The following GRK1 variants were observed in gnomAD, a reference collection of about 807,000 sequenced individuals.
The protein encoded by GRK1 is rhodopsin kinase GRK1.
A neutral mutation model predicts 41.7 loss-of-function variants in GRK1; 28 were observed. That is an observed-to-expected ratio of 0.67 (90% confidence interval 0.50 to 0.92). The LOEUF is 0.92. Ranked by LOEUF, GRK1 falls within the 40% of genes least tolerant of loss-of-function variation. The pLI is 0.00. For missense variants in GRK1, 703 were observed against 671.2 expected, an observed-to-expected ratio of 1.05 and a Z score of -0.52; for synonymous variants, 327 against 286.7, an observed-to-expected ratio of 1.14 and a Z score of -1.42.
chr13:113,652,757 C>T, the GRK1 span: 1 of 1,224,752 alleles, frequency 8.2e-7, no homozygotes, highest in Non-Finnish European at 1.2e-6. Context: ...GGCTGGAGTC[C>T]CTGTCCCGCT....
In GRK1 at chr13:113,669,748, C is replaced by A; in HGVS notation, c.761C>A (p.Ala254Asp). 1.9e-6 allele frequency: 3 copies of A among 1,613,968 alleles called. No individual in the cohort carries two copies. Among genetic ancestry groups the A allele is most frequent in the East Asian group, 2.2e-5 (1 of 44,882 alleles). The stretch of plus-strand genomic sequence containing the variant: ...CACAGCAGGTTCATCGTGTCTCTGG[C>A]CTATGCGTTTGAAACCAAAGCCGAC... ...KVHSRFIVSLAYAFETKADLC... is the reference protein window; with the variant it reads ...KVHSRFIVSLDYAFETKADLC... Residue 254 changes from alanine to aspartate, a missense_variant, in exon 2 of 7, where the codon GCC becomes GAC. Transcript: ENST00000335678.
rs1374450618 is a variant in GRK1 at position 113,671,270 on chromosome 13, T to C, written c.828-229T>C. On this transcript the variant is annotated intron_variant, in intron 2 of 6. Coordinates refer to ENST00000335678, the MANE Select transcript of GRK1 (RefSeq NM_002929.3). This position sits in a 1 kb window ranked among gnomAD's most constrained non-coding sequence, Gnocchi z 4.1. Reference sequence around the variant, plus strand: ...AAAGCAGGCGGACAGGAGACGCACGTGGACAGCACTTTCTCCCTGTTAGCA... The same window carrying C: ...AAAGCAGGCGGACAGGAGACGCACGCGGACAGCACTTTCTCCCTGTTAGCA... 6.6e-6 allele frequency among the ~76,000 whole-genome samples: 1 copy of C among 152,164 alleles called. No homozygotes were observed. The highest frequency in any genetic ancestry group is 1.5e-5 in the Non-Finnish European group (1 of 68,028).
chr13:113,666,970 C>A (rs150907107), upstream of GRK1, among the ~76,000 whole-genome samples: 1,466 of 152,284 alleles, frequency 9.6e-3, 22 homozygotes, highest in Admixed American at 0.039. Context: ...GATGGAGCAG[C>A]TCAGAACAGA....
intron 4 of GRK1, among the ~76,000 whole-genome samples, chr13:113,730,998 TG>T (rs1365143750): frequency 6.6e-6 from 1 of 152,188 alleles, no homozygotes; most frequent in African/African-American, 2.4e-5. Flanking sequence ...TGTCACAGCC[TG>T]GGGGTGCTGC....
In GRK1 at chr13:113,671,910, C is replaced by G. The variant is rs1184596269; in HGVS notation, c.985+254C>G. The stretch of plus-strand genomic sequence containing the variant: ...CGCCCAGTCCCCACCTTCCTTCTGC[C>G]TGAATGAGGCGTCACACAGGGATTC... On this transcript the variant is annotated intron_variant, in intron 3 of 6. Transcript: ENST00000335678. This position sits in a 1 kb window ranked among gnomAD's most constrained non-coding sequence, Gnocchi z 4.1. Among the ~76,000 whole-genome samples, 2 of 152,216 alleles carry G rather than the reference C, an allele frequency of 1.3e-5. No individual in the cohort carries two copies. Among genetic ancestry groups the G allele is most frequent in the East Asian group, 3.9e-4 (2 of 5,170 alleles).
the GRK1 span, among the ~76,000 whole-genome samples, chr13:113,659,060 G>A: frequency 1.2e-4 from 19 of 152,318 alleles, 1 homozygote; most frequent in Admixed American, 9.8e-4. Context: ...TCACAGGGCC[G>A]GGGCAGGGAC....
chr13:113,649,615 A>T, the GRK1 span: 1 of 1,420,202 alleles, frequency 7.0e-7, no homozygotes, highest in Non-Finnish European at 9.3e-7. This position sits in a 1 kb window ranked among gnomAD's most constrained non-coding sequence, Gnocchi z 4.7. Context: ...GGAAGTGTCA[A>T]CAGTCAGGTT....
At chr13:113,733,336 G>A (rs1264481324) in intron 6 of GRK1, among the ~76,000 whole-genome samples, 1 of 152,244 alleles carries the variant, frequency 6.6e-6, no homozygotes. Flanking sequence ...GCCGCACTGG[G>A]GCCTCGAGAC....
At chr13:113,650,572 C>T in the GRK1 span, 460 of 1,309,906 alleles carry the variant, frequency 3.5e-4, no homozygotes, top group Admixed American at 1.8e-3. The surrounding 1 kb of genome is among the most constrained non-coding windows in gnomAD (Gnocchi z 5.0). Context: ...CTGTGTGTTG[C>T]GTTTGTGTGC....
intron 6 of GRK1, among the ~76,000 whole-genome samples, chr13:113,733,867 G>A (rs2049971621): frequency 7.5e-6 from 1 of 133,740 alleles, no homozygotes; most frequent in Non-Finnish European, 1.5e-5. Context: ...GCATACGTGT[G>A]TGCGTGTGTG....
intron 4 of GRK1, among the ~76,000 whole-genome samples, chr13:113,727,689 TGAG>T (rs2049899060): frequency 8.0e-6 from 1 of 124,952 alleles, no homozygotes; most frequent in African/African-American, 3.2e-5. Flanking sequence ...CCCATGGCGA[TGAG>T]GACCCATGGC....
chr13:113,650,554 G>A, the GRK1 span: 1 of 1,505,680 alleles, frequency 6.6e-7, no homozygotes, highest in Non-Finnish European at 9.1e-7. The surrounding 1 kb of genome is among the most constrained non-coding windows in gnomAD (Gnocchi z 5.0). Context: ...GCTGGTGTGT[G>A]CCGGTGTCTG....
intron 2 of GRK1, among the ~76,000 whole-genome samples, chr13:113,670,337 T>A (rs758940607): frequency 5.1e-4 from 77 of 152,292 alleles, no homozygotes; most frequent in Non-Finnish European, 7.3e-5. Flanking sequence ...GGGGATCAGA[T>A]CACAGGCTCG....
In GRK1 at chr13:113,735,360, C is replaced by T; in HGVS notation, c.1689C>T (p.Ser563=). 6.7e-7 allele frequency: 1 copy of T among 1,493,576 alleles called. No homozygotes were observed. The highest frequency in any genetic ancestry group is 2.1e-5 in the Admixed American group (1 of 47,026). The allele number at this position is 1,493,576 out of a possible 1,614,324, so 92.5% of individuals were successfully genotyped here. A position where few individuals can be genotyped will look rare whatever the true frequency, so the allele number is the denominator to read the frequency against. ...SSSKSGMCLV[S] ...CCAAGTCAGGGATGTGTCTGGTTTCCTAGGTGACGCCCCAGAGTCCACGTG... is the reference window on the plus strand; with the variant it reads ...CCAAGTCAGGGATGTGTCTGGTTTCTTAGGTGACGCCCCAGAGTCCACGTG... The change falls in exon 7 of 7, where the codon TCC becomes TCT. Residue 563 remains serine, a synonymous_variant. Coordinates refer to ENST00000335678, the MANE Select transcript of GRK1 (RefSeq NM_002929.3).
chr13:113,654,218 A>G, the GRK1 span, among the ~76,000 whole-genome samples: 1 of 152,192 alleles, frequency 6.6e-6, no homozygotes, highest in South Asian at 2.1e-4. Flanking sequence ...GTTAAGAGTA[A>G]AATCTATACG....
Position 113,667,993 on chromosome 13 carries a change from G to T in GRK1, c.607G>T (p.Glu203Ter). Residue 203 changes from glutamate (E) to a stop codon, truncating the protein, a stop_gained, in exon 1 of 7, where the codon GAG becomes TAG. Transcript: ENST00000335678. LOFTEE classifies it high-confidence loss of function. The surrounding 1 kb of genome is among the most constrained non-coding windows in gnomAD (Gnocchi z 7.5). ...FRVLGKGGFG[E>*]VSACQMKATG... ...GGTCCTAGGGAAAGGGGGCTTCGGGGAGGTGTCGGCCTGCCAGATGAAGGC... is the reference window on the plus strand; with the variant it reads ...GGTCCTAGGGAAAGGGGGCTTCGGGTAGGTGTCGGCCTGCCAGATGAAGGC... The T allele has an allele frequency of 6.2e-7, 1 of 1,611,556 alleles. No individual in the cohort carries two copies.
At chr13:113,663,837 C>T (rs111906148), upstream of GRK1, among the ~76,000 whole-genome samples, 3 of 152,346 alleles carry the variant, frequency 2.0e-5, no homozygotes, top group African/African-American at 7.2e-5. Context: ...TGCTCACCAT[C>T]GCTGGTGGGA....
intron 6 of GRK1, among the ~76,000 whole-genome samples, chr13:113,733,855 G>A (rs1462763863): frequency 5.9e-5 from 8 of 135,656 alleles, no homozygotes; most frequent in Admixed American, 2.2e-4. Context: ...ATGTGTATGT[G>A]TGCATACGTG....
chr13:113,649,769 A>G, the GRK1 span, among the ~76,000 whole-genome samples: 1 of 152,240 alleles, frequency 6.6e-6, no homozygotes, highest in African/African-American at 2.4e-5. This position sits in a 1 kb window ranked among gnomAD's most constrained non-coding sequence, Gnocchi z 4.7. Context: ...TTCAGCTTCA[A>G]ACTCTTACGA....
Sources: allele counts gnomAD v4.1 joint callset (sites outside exome capture counted in the v4.1 genomes callset), GRCh38; gene constraint gnomAD v4.1.1; non-coding constraint Gnocchi (gnomAD v3.1); transcripts MANE v1.5; gene names NCBI Gene and HGNC (gene_info 2026-07-23, HGNC 2026-07-21).